BBS9: variants seen among roughly 807,000 people sequenced by gnomAD.
The protein encoded by BBS9 is protein PTHB1.
In BBS9, 89 loss-of-function variants were observed where a neutral mutation model predicts 117.7. That is an observed-to-expected ratio of 0.76 (90% CI 0.64 to 0.90). BBS9 has a LOEUF of 0.90. BBS9 is among the 40% of genes least tolerant of loss of function. BBS9 has a pLI of 0.00. For missense variants in BBS9, 982 were observed against 1,042.2 expected, an observed-to-expected ratio of 0.94 and a Z score of 0.80; for synonymous variants, 379 against 370.9, an observed-to-expected ratio of 1.02 and a Z score of -0.25.
intron 17 of BBS9, among the ~76,000 whole-genome samples, chr7:33,373,956 A>G (rs1823329550): frequency 6.6e-6 from 1 of 152,168 alleles, no homozygotes; most frequent in Non-Finnish European, 1.5e-5. Context: ...AGGAAGTGGG[A>G]GTATTATTTT....
intron 19 of BBS9, among the ~76,000 whole-genome samples, chr7:33,451,593 T>G (rs762767029): frequency 6.6e-6 from 1 of 152,222 alleles, no homozygotes; most frequent in Non-Finnish European, 1.5e-5. Flanking sequence ...TTTTAATTAC[T>G]GCAGCTTTGT....
intron 19 of BBS9, among the ~76,000 whole-genome samples, chr7:33,498,033 G>A (rs1251275111): frequency 6.6e-6 from 1 of 152,124 alleles, no homozygotes; most frequent in African/African-American, 2.4e-5. Context: ...GAACAGCAGG[G>A]ATGTTCACTA....
At chr7:33,590,459 G>GTTTTTTTGTTTTTTTGTTTTTGT in intron 21 of BBS9, among the ~76,000 whole-genome samples, 1 of 101,506 alleles carries the variant, frequency 9.9e-6, no homozygotes, top group African/African-American at 4.0e-5. Context: ...TTGTTTTTTT[G>GTTTTTTTGTTTTTTTGTTTTTGT]TTTTTTTTTT....
chr7:33,176,780 C>T (rs968216263), intron 4 of BBS9, among the ~76,000 whole-genome samples: 2 of 152,062 alleles, frequency 1.3e-5, no homozygotes, highest in African/African-American at 2.4e-5. Flanking sequence ...CTTTCTGAAT[C>T]CTTTTTCTTT....
At chr7:33,459,704 C>G (rs1839178761) in intron 19 of BBS9, among the ~76,000 whole-genome samples, 2 of 152,238 alleles carry the variant, frequency 1.3e-5, no homozygotes, top group Non-Finnish European at 1.5e-5. Context: ...CTGCTGGAAT[C>G]AGCCATTTCT....
chr7:33,357,579 TATCCAA>T (rs1563056338), intron 15 of BBS9, among the ~76,000 whole-genome samples: 1 of 151,834 alleles, frequency 6.6e-6, no homozygotes, highest in Non-Finnish European at 1.5e-5. Flanking sequence ...TTTTATATAG[TATCCAA>T]ATGTGATGAT....
chr7:33,459,630 G>A (rs1413249181), intron 19 of BBS9, among the ~76,000 whole-genome samples: 6 of 151,958 alleles, frequency 3.9e-5, no homozygotes, highest in Non-Finnish European at 5.9e-5. Context: ...TTTTTGTTTT[G>A]AGCACTTCCT....
chr7:33,438,031 A>G (rs1447728377), intron 19 of BBS9, among the ~76,000 whole-genome samples: 1 of 152,240 alleles, frequency 6.6e-6, no homozygotes, highest in African/African-American at 2.4e-5. Flanking sequence ...CTCACTGTCA[A>G]CAAAATGCAG....
intron 9 of BBS9, among the ~76,000 whole-genome samples, chr7:33,293,730 C>T (rs981748343): frequency 2.0e-5 from 3 of 152,080 alleles, no homozygotes; most frequent in Non-Finnish European, 4.4e-5. Context: ...ATTTATTAGA[C>T]TCAGTACTCT....
At chr7:33,214,347 G>A (rs1177863920) in intron 5 of BBS9, among the ~76,000 whole-genome samples, 1 of 152,188 alleles carries the variant, frequency 6.6e-6, no homozygotes, top group Non-Finnish European at 1.5e-5. Context: ...TGGGGTATGA[G>A]GGAGGGGAGG....
intron 5 of BBS9, among the ~76,000 whole-genome samples, chr7:33,255,300 T>TTAATCTAC (rs1796848036): frequency 6.6e-6 from 1 of 151,924 alleles, no homozygotes; most frequent in Middle Eastern, 3.2e-3. Flanking sequence ...GTTTAAATCT[T>TTAATCTAC]TAATCTACTT....
chr7:33,460,744 A>T (rs1273944956), intron 19 of BBS9, among the ~76,000 whole-genome samples: 2 of 152,082 alleles, frequency 1.3e-5, no homozygotes, highest in African/African-American at 4.8e-5. Flanking sequence ...TGAAATTCAC[A>T]TGACATAAAA....
intron 4 of BBS9, among the ~76,000 whole-genome samples, chr7:33,176,375 A>G (rs1257487721): frequency 2.0e-5 from 3 of 152,232 alleles, no homozygotes; most frequent in Non-Finnish European, 4.4e-5. Context: ...AGCAGGATAC[A>G]ATACATAGTA....
intron 17 of BBS9, among the ~76,000 whole-genome samples, chr7:33,370,605 A>G (rs1260327580): frequency 6.6e-6 from 1 of 152,248 alleles, no homozygotes; most frequent in Non-Finnish European, 1.5e-5. Flanking sequence ...TTAATATTGC[A>G]AAATATTTCT....
chr7:33,227,492 A>G (rs1422938349), intron 5 of BBS9, among the ~76,000 whole-genome samples: 1 of 151,998 alleles, frequency 6.6e-6, no homozygotes, highest in Non-Finnish European at 1.5e-5. Context: ...TTCTTTGGGA[A>G]TGGGTGGTTT....
At chr7:33,366,181 G>A (rs1201318575) in intron 16 of BBS9, among the ~76,000 whole-genome samples, 31 of 152,180 alleles carry the variant, frequency 2.0e-4, no homozygotes, top group Admixed American at 2.0e-3. Flanking sequence ...TGGTGGAAAT[G>A]GCTATTGGTT....
At chr7:33,528,983 A>G (rs1334691877) in intron 20 of BBS9, among the ~76,000 whole-genome samples, 2 of 152,246 alleles carry the variant, frequency 1.3e-5, no homozygotes, top group Non-Finnish European at 2.9e-5. Context: ...CCTATTGACC[A>G]GTGGAGACTA....
chr7:33,247,993 A>T (rs1379334467), intron 5 of BBS9, among the ~76,000 whole-genome samples: 2 of 152,246 alleles, frequency 1.3e-5, no homozygotes, highest in African/African-American at 4.8e-5. Context: ...TGTGATAAAT[A>T]GCTTGACAGA....
At chr7:33,390,727 C>T in intron 19 of BBS9, 1 of 552,444 alleles carries the variant, frequency 1.8e-6, no homozygotes, top group Non-Finnish European at 2.3e-6. Flanking sequence ...ATACGTAATG[C>T]TAAATTTCCC....
Sources: allele counts gnomAD v4.1 joint callset (sites outside exome capture counted in the v4.1 genomes callset), GRCh38; gene constraint gnomAD v4.1.1; transcripts MANE v1.5; gene names NCBI Gene and HGNC (gene_info 2026-07-23, HGNC 2026-07-21).